The following ZBTB10 variants were observed in gnomAD, a reference collection of about 807,000 sequenced individuals.
The protein encoded by ZBTB10 is zinc finger and BTB domain containing 10.
A neutral mutation model predicts 76.4 loss-of-function variants in ZBTB10; 32 were observed. The observed-to-expected ratio is 0.42, with a 90% CI of 0.32 to 0.56. The LOEUF (loss-of-function observed/expected upper bound fraction) is 0.56. Among genes scored for constraint, ZBTB10 ranks in the 20% least tolerant of loss-of-function variants. ZBTB10 has a pLI of 0.14. For missense variants in ZBTB10, 1,057 were observed against 1,098.5 expected (o/e 0.96, Z 0.53); for synonymous variants, 523 against 432.9 (o/e 1.21, Z -2.58).
intron 1 of ZBTB10, among the ~76,000 whole-genome samples, chr8:80,497,683 CTTTT>C (rs397891910): frequency 2.3e-5 from 2 of 87,628 alleles, no homozygotes; most frequent in East Asian, 3.4e-4. Context: ...GTCCTGGAAT[CTTTT>C]TTTTTTTTTT....
Position 80,502,533 on chromosome 8 carries a change from C to T in ZBTB10, c.1861+2151C>T, listed in dbSNP as rs558195530. 3.3e-5 allele frequency among the ~76,000 whole-genome samples: 5 copies of T among 152,260 alleles called. No homozygotes were observed. In the East Asian group the frequency reaches 5.8e-4, roughly 18 times the overall value. ...ACATGGGTGAGCCACCGTGCCCAGC[C>T]GTCTCTTAAAAAGGATTATTTTCAT... On this transcript the variant is annotated intron_variant, in intron 2 of 5. Transcript: ENST00000455036.
intron 1 of ZBTB10, among the ~76,000 whole-genome samples, chr8:80,491,001 C>T (rs554134886): frequency 2.6e-5 from 4 of 152,206 alleles, no homozygotes; most frequent in East Asian, 1.9e-4. Context: ...GTCAGGAGTT[C>T]GAGACCAGCC....
In ZBTB10 at chr8:80,500,255, C is replaced by T. The variant is rs372324327; in HGVS notation, c.1734C>T (p.Asn578=). 289 of 1,584,002 alleles carry T rather than the reference C, an allele frequency of 1.8e-4. 2 individuals are homozygous for T. The South Asian group carries it at 2.8e-3, about 15-fold the overall frequency. The change falls in exon 2 of 6, where the codon AAC becomes AAT. Residue 578 remains asparagine (N), a synonymous_variant. Coordinates refer to ENST00000455036, the MANE Select transcript of ZBTB10 (RefSeq NM_001105539.3). ...IQETGKTRRK[N]QTTKRFIYNI... is the part of the protein sequence containing the mutation. ...AGACTGGCAAAACAAGGAGGAAAAA[C>T]CAAACTACAAAAAGATTTATTTATA...
intron 1 of ZBTB10, among the ~76,000 whole-genome samples, chr8:80,497,623 C>T (rs1467490856): frequency 6.7e-6 from 1 of 148,820 alleles, no homozygotes; most frequent in East Asian, 2.0e-4. Context: ...ACTCCAGATT[C>T]GTAGAGTTTT....
chr8:80,494,419 A>C (rs1334472051), intron 1 of ZBTB10, among the ~76,000 whole-genome samples: 2 of 152,098 alleles, frequency 1.3e-5, no homozygotes, highest in African/African-American at 2.4e-5. Flanking sequence ...ATGGTCTTGT[A>C]TTCTCTACAA....
At chr8:80,495,980 T>C (rs574506636) in intron 1 of ZBTB10, among the ~76,000 whole-genome samples, 93 of 152,372 alleles carry the variant, frequency 6.1e-4, no homozygotes, top group African/African-American at 2.2e-3. Context: ...TAGACTAATG[T>C]CTGAGCTAAT....
intron 2 of ZBTB10, among the ~76,000 whole-genome samples, chr8:80,505,639 G>A (rs1355521313): frequency 6.6e-6 from 1 of 152,056 alleles, no homozygotes; most frequent in Admixed American, 6.5e-5. Context: ...ACTTATTTGT[G>A]TAATTGCTTT....
chr8:80,500,034 CGG>C lies in ZBTB10; in HGVS notation c.1514_1515del (p.Arg505GlnfsTer8). 1 of 1,613,892 alleles carries C rather than the reference CGG, an allele frequency of 6.2e-7. No homozygotes were observed. Among genetic ancestry groups the C allele is most frequent in the Non-Finnish European group, 8.5e-7 (1 of 1,179,860 alleles). On this transcript the variant is annotated frameshift_variant, in exon 2 of 6. Transcript: ENST00000455036. LOFTEE classifies it high-confidence loss of function. ...AAAAATTGCCAGTTTTTGGGCAACACGGAATCTTACCAATTTGGCAAGTAATG... is the reference window on the plus strand; with the variant it reads ...AAAAATTGCCAGTTTTTGGGCAACACAATCTTACCAATTTGGCAAGTAATG... Reference protein sequence around the residue: ...DQKIASFWATRNLTNLASNVK... With the variant: ...DQKIASFWATXNLTNLASNVK...
chr8:80,498,267 T>G (rs1246392936), intron 1 of ZBTB10, among the ~76,000 whole-genome samples: 1 of 152,248 alleles, frequency 6.6e-6, no homozygotes, highest in African/African-American at 2.4e-5. Context: ...TGAGCCTGTT[T>G]ACACTCTAGT....
intron 2 of ZBTB10, among the ~76,000 whole-genome samples, chr8:80,502,541 A>T (rs1815950742): frequency 6.6e-6 from 1 of 152,126 alleles, no homozygotes; most frequent in East Asian, 1.9e-4. Context: ...GCCGTCTCTT[A>T]AAAAGGATTA....
chr8:80,505,036 A>C (rs1043701969), intron 2 of ZBTB10, among the ~76,000 whole-genome samples: 8 of 152,194 alleles, frequency 5.3e-5, no homozygotes, highest in African/African-American at 1.4e-4. Context: ...CATACTAGCA[A>C]CTTCTACCTA....
At chr8:80,485,694 C>T, upstream of ZBTB10, 1 of 1,239,794 alleles carries the variant, frequency 8.1e-7, no homozygotes, top group Non-Finnish European at 1.1e-6. Flanking sequence ...TGGTCGTAAC[C>T]TCTTCGCGTG....
Position 80,487,198 on chromosome 8 carries a change from G to C in ZBTB10, c.388G>C (p.Gly130Arg), listed in dbSNP as rs1292638046. 1 of 1,540,180 alleles carries C rather than the reference G, an allele frequency of 6.5e-7. No individual in the cohort carries two copies. Among genetic ancestry groups the C allele is most frequent in the Non-Finnish European group, 8.7e-7 (1 of 1,145,246 alleles). The stretch of plus-strand genomic sequence containing the variant: ...GACTCTGGCCTTCCGAGGCGGCGGC[G>C]GCGGGGGTCTCGGCAACAATGGCAG... ...RRTLAFRGGG[G>R]GGLGNNGSSR... Residue 130 changes from glycine (G) to arginine (R), a missense_variant, in exon 1 of 6, where the codon GGC becomes CGC. By Grantham distance (125) the Gly-to-Arg change is moderately radical. Coordinates refer to ENST00000455036, the MANE Select transcript of ZBTB10 (RefSeq NM_001105539.3).
rs1441486338 is a variant in ZBTB10, at chr8:80,486,926, C to T, written c.116C>T (p.Pro39Leu). The change falls in exon 1 of 6, where the codon CCT becomes CTT. Residue 39 changes from proline to leucine, a missense_variant. Pro to Leu is a moderately conservative substitution (Grantham distance 98). Coordinates refer to ENST00000455036, the MANE Select transcript of ZBTB10 (RefSeq NM_001105539.3). The stretch of plus-strand genomic sequence containing the variant: ...GCTGGCGGGGAGGCCTCAGCTTGGC[C>T]TCCGCAGCCCCAGCCGAGACAGCCC... ...NNAGGEASAWPPQPQPRQPPP... is the reference protein window; with the variant it reads ...NNAGGEASAWLPQPQPRQPPP... 1.9e-5 allele frequency: 29 copies of T among 1,507,660 alleles called. No homozygotes were observed. The highest frequency in any genetic ancestry group is 4.5e-4 in the Middle Eastern group (2 of 4,462). The allele number at this position is 1,507,660 out of a possible 1,614,324, so 93.4% of individuals were successfully genotyped here.
chr8:80,518,567 A>G lies in ZBTB10; in HGVS notation c.2125A>G (p.Thr709Ala). Residue 709 changes from threonine (T) to alanine (A), a missense_variant, in exon 4 of 6, where the codon ACC (threonine) becomes GCC (alanine). Around this residue, in one of 5 missense-constraint regions of ZBTB10, gnomAD observed 54 missense variants for 138.1 expected, o/e 0.39. Transcript: ENST00000455036. ...GCCAGAATCTTGGCCAAAACAAGAA[A>G]CCTGGGAAAATGGCAAGTATTAGTC... ...LLPESWPKQE[T>A]WENGESSLIM... 1 of 1,549,826 alleles carries G rather than the reference A, an allele frequency of 6.5e-7. No individual in the cohort carries two copies. The highest frequency in any genetic ancestry group is 8.7e-7 in the Non-Finnish European group (1 of 1,146,872).
intron 2 of ZBTB10, among the ~76,000 whole-genome samples, chr8:80,503,884 G>A (rs1453809304): frequency 6.6e-6 from 1 of 152,154 alleles, no homozygotes; most frequent in Non-Finnish European, 1.5e-5. Context: ...CCCTTCAAAT[G>A]TTAGACGTTT....
At chr8:80,493,210 C>CAA (rs1468841384) in intron 1 of ZBTB10, among the ~76,000 whole-genome samples, 2 of 77,910 alleles carry the variant, frequency 2.6e-5, no homozygotes, top group Non-Finnish European at 5.5e-5. Context: ...CGCGCGCGCA[C>CAA]ACACACACAC....
chr8:80,493,210 C>CGT (rs1678319468), intron 1 of ZBTB10, among the ~76,000 whole-genome samples: 4 of 77,908 alleles, frequency 5.1e-5, no homozygotes, highest in African/African-American at 2.2e-4. Context: ...CGCGCGCGCA[C>CGT]ACACACACAC....
chr8:80,512,485 A>T (rs59203582), intron 2 of ZBTB10, among the ~76,000 whole-genome samples: 33,976 of 152,108 alleles, frequency 0.22, 4,739 homozygotes, highest in African/African-American at 0.39. Context: ...CCAAGGCAGG[A>T]GGATTGCTTG....
Sources: allele counts gnomAD v4.1 joint callset (sites outside exome capture counted in the v4.1 genomes callset), GRCh38; gene constraint gnomAD v4.1.1; regional missense constraint gnomAD v4.1.1; transcripts MANE v1.5; gene names NCBI Gene and HGNC (gene_info 2026-07-23, HGNC 2026-07-21).